VSIG8: variants seen among roughly 807,000 people sequenced by gnomAD.
VSIG8 encodes the protein V-set and immunoglobulin domain containing 8.
A neutral mutation model predicts 42.6 loss-of-function variants in VSIG8; 32 were observed. The observed-to-expected ratio is 0.75, with a 90% CI of 0.57 to 1.01. The LOEUF is 1.01. Among genes scored for constraint, VSIG8 ranks in the 50% least tolerant of loss-of-function variants. The pLI is 0.00. For missense variants in VSIG8, 529 were observed against 558.0 expected (o/e 0.95, Z 0.52); for synonymous variants, 290 against 243.8 (o/e 1.19, Z -1.77).
In VSIG8 at chr1:159,855,789, G is replaced by T. The variant is rs60296316; in HGVS notation, c.971+94C>A. 8.8e-4 allele frequency: 1,266 copies of T among 1,436,098 alleles called. 11 individuals are homozygous for T. The African/African-American group carries it at 0.017, about 19-fold the overall frequency. 89.0% of individuals were successfully genotyped at this position (1,436,098 alleles called of 1,614,324 possible). ...TGGCGATGGCGGGCAGGGTTGGGGTGGGGGGCCCAGCCGGCCGGTGGCAGG... is the reference window on the plus strand; with the variant it reads ...TGGCGATGGCGGGCAGGGTTGGGGTTGGGGGCCCAGCCGGCCGGTGGCAGG... On this transcript the variant is annotated intron_variant, in intron 6 of 6. Transcript: ENST00000368100.
Position 159,858,847 on chromosome 1 carries a change from T to TATC in VSIG8, c.112_114dup (p.Asp38dup). On this transcript the variant is annotated inframe_insertion, in exon 2 of 7. Coordinates refer to ENST00000368100, the MANE Select transcript of VSIG8 (RefSeq NM_001013661.1). The stretch of plus-strand genomic sequence containing the variant: ...ACGTAGGGGCAGCCCAGCCTCACAT[T>TATC]ATCACCTTCTGCCAGGTACAGGACC... 1 of 1,614,060 alleles carries TATC rather than the reference T, an allele frequency of 6.2e-7. No homozygotes were observed. Among genetic ancestry groups the TATC allele is most frequent in the Non-Finnish European group, 8.5e-7 (1 of 1,180,006 alleles).
Position 159,862,585 on chromosome 1 carries a change from T to G in VSIG8, c.-64A>C, listed in dbSNP as rs1571171337. 1 of 1,492,410 alleles carries G rather than the reference T, an allele frequency of 6.7e-7. No individual in the cohort carries two copies. Among genetic ancestry groups the G allele is most frequent in the Non-Finnish European group, 9.2e-7 (1 of 1,086,946 alleles). The allele number at this position is 1,492,410 out of a possible 1,614,324, so 92.4% of individuals were successfully genotyped here. ...TCCCGTGGGGTCGTAGTGGTGGGTG[T>G]GAGGGGGTAGGTGGAGGGAGGGGGA... On this transcript the variant is annotated 5_prime_UTR_variant, in exon 1 of 7. Coordinates refer to ENST00000368100, the MANE Select transcript of VSIG8 (RefSeq NM_001013661.1).
At chr1:159,856,103 G>GGTCA (rs768056338) in intron 5 of VSIG8, 22 bp from the exon 6 acceptor site, 118 of 1,601,278 alleles carry the variant, frequency 7.4e-5, no homozygotes, top group Non-Finnish European at 1.0e-4. Context: ...AGTGGAGGCA[G>GGTCA]GTCAGGCTTT....
At chr1:159,855,183 T>TGTGACCCTTCCTGGGTCG in intron 6 of VSIG8, 157 bp from the exon 7 acceptor site, 3 of 1,551,718 alleles carry the variant, frequency 1.9e-6, no homozygotes, top group Non-Finnish European at 2.6e-6. Context: ...TACTGTCCTT[T>TGTGACCCTTCCTGGGTCG]GTGACCCTTC....
Position 159,857,798 on chromosome 1 carries a change from CTGTGCTGGGAGG to C in VSIG8, c.587_598del (p.Thr196_His199del), listed in dbSNP as rs1557903897. The C allele has an allele frequency of 6.2e-7, 1 of 1,614,202 alleles. No individual in the cohort carries two copies. The highest frequency in any genetic ancestry group is 1.7e-5 in the Admixed American group (1 of 60,032). ...CTGGTAGGACAGCTCTGAGTGGTAG[CTGTGCTGGGAGG>C]TGTAAGACCCAGCTCGATAGGGGTA... On this transcript the variant is annotated inframe_deletion, in exon 4 of 7. Coordinates refer to ENST00000368100, the MANE Select transcript of VSIG8 (RefSeq NM_001013661.1).
chr1:159,859,562 G>A (rs895451418), intron 1 of VSIG8, among the ~76,000 whole-genome samples: 9 of 152,166 alleles, frequency 5.9e-5, no homozygotes, highest in African/African-American at 2.2e-4. Context: ...GTATAGTGAT[G>A]TGTGACCATG....
intron 1 of VSIG8, 141 bp downstream of exon 1, chr1:159,862,332 A>C (rs947339610): frequency 1.2e-6 from 1 of 816,314 alleles, no homozygotes; most frequent in East Asian, 2.7e-5. Context: ...TAATACCCAC[A>C]CCCGGCTGCA....
chr1:159,862,510 T>C lies in VSIG8; in HGVS notation c.12A>G (p.Gly4=). The C allele has an allele frequency of 1.9e-6, 3 of 1,613,040 alleles. No homozygotes were observed. The highest frequency in any genetic ancestry group is 2.5e-6 in the Non-Finnish European group (3 of 1,179,364). The change falls in exon 1 of 7, where the codon GGA becomes GGG. Residue 4 remains glycine (G), a synonymous_variant. Coordinates refer to ENST00000368100, the MANE Select transcript of VSIG8 (RefSeq NM_001013661.1). MRV[G]GAFHLLLVCL... is the part of the protein sequence containing the mutation. Reference sequence around the variant, plus strand: ...ACACGAGTAGAAGGTGGAATGCTCCTCCAACTCTCATGTCTCTAGGCTCGG... The same window carrying C: ...ACACGAGTAGAAGGTGGAATGCTCCCCCAACTCTCATGTCTCTAGGCTCGG...
chr1:159,855,806 G>C (rs992225851), intron 6 of VSIG8, 77 bp downstream of exon 6: 3 of 1,462,288 alleles, frequency 2.1e-6, no homozygotes, highest in Non-Finnish European at 2.7e-6. Context: ...CCAGCCGGCC[G>C]GTGGCAGGCA....
Position 159,854,747 on chromosome 1 carries a change from G to T in VSIG8, c.*6C>A. ...GCTGGGGCGCAGCCCGGCCCGGCGCGCGCGCTCACACCAAGAGGCCGTTCT... is the reference window on the plus strand; with the variant it reads ...GCTGGGGCGCAGCCCGGCCCGGCGCTCGCGCTCACACCAAGAGGCCGTTCT... On this transcript the variant is annotated 3_prime_UTR_variant, in exon 7 of 7. Transcript: ENST00000368100. The T allele has an allele frequency of 6.8e-7, 1 of 1,467,714 alleles. No homozygotes were observed. The highest frequency in any genetic ancestry group is 1.5e-5 in the African/African-American group (1 of 67,604). 90.9% of individuals were successfully genotyped at this position (1,467,714 alleles called of 1,614,324 possible).
intron 6 of VSIG8, 192 bp downstream of exon 6, chr1:159,855,691 G>C (rs1648792198): frequency 1.1e-6 from 1 of 944,896 alleles, no homozygotes; most frequent in Non-Finnish European, 1.3e-6. Context: ...CAGAGGTGAA[G>C]ACTGGGGTGG....
chr1:159,855,190 C>CT, intron 6 of VSIG8, 164 bp from the exon 7 acceptor site: 4 of 1,551,724 alleles, frequency 2.6e-6, no homozygotes, highest in Non-Finnish European at 3.5e-6. Flanking sequence ...CTTTGTGACC[C>CT]TTCCTGGGTC....
Position 159,854,737 on chromosome 1 carries a change from G to C in VSIG8, c.*16C>G, listed in dbSNP as rs1175112987. ...CCTCCTCCTGGCTGGGGCGCAGCCC[G>C]GCCCGGCGCGCGCGCTCACACCAAG... is the stretch of plus-strand genomic sequence containing the variant. On this transcript the variant is annotated 3_prime_UTR_variant, in exon 7 of 7. Coordinates refer to ENST00000368100, the MANE Select transcript of VSIG8 (RefSeq NM_001013661.1). 4 of 1,458,888 alleles carry C rather than the reference G, an allele frequency of 2.7e-6. No homozygotes were observed. Among genetic ancestry groups the C allele is most frequent in the Admixed American group, 5.2e-5 (2 of 38,126 alleles). The allele number at this position is 1,458,888 out of a possible 1,614,324, so 90.4% of individuals were successfully genotyped here.
intron 1 of VSIG8, among the ~76,000 whole-genome samples, chr1:159,859,496 A>G (rs1200412227): frequency 2.6e-5 from 4 of 152,132 alleles, no homozygotes; most frequent in Non-Finnish European, 4.4e-5. Flanking sequence ...AAGTGTGTCT[A>G]TGTGTGTCTG....
intron 1 of VSIG8, chr1:159,861,499 C>G (rs1022345653): frequency 1.3e-5 from 2 of 152,138 alleles, no homozygotes; most frequent in Admixed American, 6.5e-5. Context: ...TGGAGCCTCC[C>G]GAGTGGACTC....
Position 159,855,026 on chromosome 1 carries a change from T to G in VSIG8, c.972A>C (p.Arg324Ser). 1 of 1,575,564 alleles carries G rather than the reference T, an allele frequency of 6.3e-7. No homozygotes were observed. Among genetic ancestry groups the G allele is most frequent in the African/African-American group, 1.4e-5 (1 of 73,642 alleles). The change falls in exon 7 of 7, where the codon AGA becomes AGC. Residue 324 changes from arginine (R) to serine (S), a missense_variant and splice_region_variant. Coordinates refer to ENST00000368100, the MANE Select transcript of VSIG8 (RefSeq NM_001013661.1). Reference protein sequence around the residue: ...GACGDLASEIREDAVAPGCKA... With the variant: ...GACGDLASEISEDAVAPGCKA... ...TGCACCCGGGCGCCACGGCGTCCTC[T>G]CTGTGGAAAACAACAGGCGGGCGGG...
At position 159,854,475 on chromosome 1, in the gene VSIG8, A is replaced by C; in HGVS notation, c.*278T>G. ...CCTCCGGCCTCAGCCGCTCTAGGAC[A>C]CTCAGCCTCCTCCTCCCTCCCTCTC... is the stretch of plus-strand genomic sequence containing the variant. On this transcript the variant is annotated 3_prime_UTR_variant, in exon 7 of 7. Coordinates refer to ENST00000368100, the MANE Select transcript of VSIG8 (RefSeq NM_001013661.1). 6.2e-6 allele frequency: 3 copies of C among 485,784 alleles called. No homozygotes were observed. The highest frequency in any genetic ancestry group is 6.3e-6 in the Non-Finnish European group (2 of 316,398). 30.1% of individuals were successfully genotyped at this position (485,784 alleles called of 1,614,324 possible). A position where few individuals can be genotyped will look rare whatever the true frequency, so the allele number is the denominator to read the frequency against.
intron 3 of VSIG8, 54 bp from the exon 4 acceptor site, chr1:159,858,020 G>A (rs1181087487): frequency 6.2e-7 from 1 of 1,611,990 alleles, no homozygotes; most frequent in Non-Finnish European, 8.5e-7. Context: ...ACAGAGCCAG[G>A]CTCAAAGTGG....
intron 6 of VSIG8, chr1:159,855,263 T>C (rs1307496375): frequency 3.9e-6 from 6 of 1,551,068 alleles, no homozygotes; most frequent in Non-Finnish European, 5.2e-6. Flanking sequence ...TGTCCACGCG[T>C]ATCTGGAGAG....
Sources: allele counts gnomAD v4.1 joint callset (sites outside exome capture counted in the v4.1 genomes callset), GRCh38; gene constraint gnomAD v4.1.1; transcripts MANE v1.5; gene names NCBI Gene and HGNC (gene_info 2026-07-23, HGNC 2026-07-21).